The following REXO5 variants were observed in gnomAD, a reference collection of about 807,000 sequenced individuals.
The protein encoded by REXO5 is RNA exonuclease 5.
Under a neutral mutation model 88.5 loss-of-function variants are expected in REXO5, and 48 were observed. That is an observed-to-expected ratio of 0.54 (90% CI 0.43 to 0.69). The LOEUF (loss-of-function observed/expected upper bound fraction) is 0.69. Ranked by LOEUF, REXO5 falls within the 30% of genes least tolerant of loss-of-function variation. The pLI is 0.00. For missense variants in REXO5, 749 were observed against 912.2 expected, an observed-to-expected ratio of 0.82 and a Z score of 2.30; for synonymous variants, 311 against 336.5, an observed-to-expected ratio of 0.92 and a Z score of 0.83.
At chr16:20,812,518 C>CT (rs1367080140) in intron 2 of REXO5, among the ~76,000 whole-genome samples, 1 of 152,108 alleles carries the variant, frequency 6.6e-6, no homozygotes. Flanking sequence ...GAGTGAGACT[C>CT]TGTCTCAGAA....
intron 7 of REXO5, among the ~76,000 whole-genome samples, chr16:20,824,858 A>T (rs1027461026): frequency 5.3e-5 from 8 of 151,924 alleles, no homozygotes; most frequent in African/African-American, 1.9e-4. Flanking sequence ...AAATACAAAA[A>T]ATTAGCTGGG....
chr16:20,819,577 GA>G (rs2081137103), intron 5 of REXO5, among the ~76,000 whole-genome samples: 1 of 150,656 alleles, frequency 6.6e-6, no homozygotes, highest in African/African-American at 2.4e-5. Context: ...CCAACATGGA[GA>G]AATCCCATCT....
At chr16:20,808,612 ATT>A (rs751042762) in intron 2 of REXO5, among the ~76,000 whole-genome samples, 1,195 of 108,362 alleles carry the variant, frequency 0.011, 11 homozygotes, top group African/African-American at 0.033. Flanking sequence ...TAGGGATGTG[ATT>A]TTTTTTTTTT....
At chr16:20,821,414 G>A (rs917871408) in intron 5 of REXO5, among the ~76,000 whole-genome samples, 2 of 152,038 alleles carry the variant, frequency 1.3e-5, no homozygotes, top group Admixed American at 6.5e-5. Context: ...AGCCTCCCAA[G>A]TAGCTGGGAC....
intron 19 of REXO5, among the ~76,000 whole-genome samples, chr16:20,847,599 G>C (rs1199298040): frequency 6.6e-6 from 1 of 152,140 alleles, no homozygotes; most frequent in Non-Finnish European, 1.5e-5. Flanking sequence ...GGGCACCTTT[G>C]AAAGAACCGC....
At chr16:20,814,795 G>A (rs952542311) in intron 3 of REXO5, 132 bp from the exon 4 acceptor site, 2 of 821,524 alleles carry the variant, frequency 2.4e-6, no homozygotes, top group Admixed American at 3.2e-5. Flanking sequence ...CCAGGCAGAC[G>A]GTGAATGGTG....
chr16:20,847,285 A>C (rs948292626), intron 19 of REXO5, among the ~76,000 whole-genome samples: 3 of 135,298 alleles, frequency 2.2e-5, no homozygotes, highest in East Asian at 2.1e-4. Flanking sequence ...AAAAAAAAAA[A>C]CCCAGCCAGG....
rs920417988 is a variant in REXO5, at chr16:20,827,563, C to A, written c.1055+116C>A. On this transcript the variant is annotated intron_variant, in intron 10 of 19. Coordinates refer to ENST00000261377, the MANE Select transcript of REXO5 (RefSeq NM_030941.3). ...GGGTTTCTGCTCTCTTTGCTTTAAACATGTTTTTTTGCATTTCTTATGAAA... is the reference window on the plus strand; with the variant it reads ...GGGTTTCTGCTCTCTTTGCTTTAAAAATGTTTTTTTGCATTTCTTATGAAA... 69 of 744,398 alleles carry A rather than the reference C, an allele frequency of 9.3e-5. No homozygotes were observed. In the African/African-American group the frequency reaches 1.0e-3, roughly 11 times the overall value. The allele number at this position is 744,398 out of a possible 1,614,324, so 46.1% of individuals were successfully genotyped here.
At chr16:20,823,646 G>A (rs570585299) in intron 6 of REXO5, 34 of 152,200 alleles carry the variant, frequency 2.2e-4, no homozygotes, top group African/African-American at 6.3e-4. Flanking sequence ...TCACAGTACC[G>A]GGAATCAGAA....
intron 15 of REXO5, among the ~76,000 whole-genome samples, chr16:20,842,055 A>C (rs2081536488): frequency 6.6e-6 from 1 of 152,172 alleles, no homozygotes; most frequent in African/African-American, 2.4e-5. Context: ...CGGGTAAAAT[A>C]CATATAAAAT....
At chr16:20,826,470 G>A (rs1004798837) in intron 8 of REXO5, among the ~76,000 whole-genome samples, 18 of 152,180 alleles carry the variant, frequency 1.2e-4, no homozygotes, top group Admixed American at 4.6e-4. Flanking sequence ...GTTCCCATCC[G>A]TTGACGTGGC....
intron 16 of REXO5, 55 bp from the exon 17 acceptor site, chr16:20,844,574 T>C (rs1240618876): frequency 8.0e-6 from 12 of 1,507,190 alleles, no homozygotes; most frequent in African/African-American, 1.4e-5. Context: ...TAGTATCCAA[T>C]AGGCCTGAGG....
chr16:20,828,391 A>G, intron 10 of REXO5, 44 bp from the exon 11 acceptor site: 4 of 1,208,322 alleles, frequency 3.3e-6, no homozygotes, highest in Non-Finnish European at 4.9e-6. Flanking sequence ...AAAGCCTATC[A>G]TTAAAAGTGC....
Position 20,848,777 on chromosome 16 carries a change from A to G in REXO5, c.2244-622A>G, listed in dbSNP as rs149632578. Among the ~76,000 whole-genome samples the G allele has an allele frequency of 1.3e-3, 204 of 152,378 alleles. 1 individual carries two copies. Among genetic ancestry groups the G allele is most frequent in the African/African-American group, 4.7e-3 (196 of 41,596 alleles). On this transcript the variant is annotated intron_variant, in intron 19 of 19. Coordinates refer to ENST00000261377, the MANE Select transcript of REXO5 (RefSeq NM_030941.3). ...CACCACACCAGGTTTTTTACAACAA[A>G]CATTGTTAAATAAGTTAATGTTTTG...
chr16:20,809,955 G>A (rs907173424), intron 2 of REXO5, among the ~76,000 whole-genome samples: 1 of 152,164 alleles, frequency 6.6e-6, no homozygotes, highest in East Asian at 1.9e-4. Flanking sequence ...TTTGTTCAGT[G>A]TGTTACTATC....
intron 8 of REXO5, 134 bp from the exon 9 acceptor site, chr16:20,826,924 C>A: frequency 1.2e-6 from 1 of 832,022 alleles, no homozygotes; most frequent in Admixed American, 3.1e-5. Context: ...ATTTTTAATT[C>A]TTATTTGTCA....
At chr16:20,833,331 AG>A (rs2081375282) in intron 13 of REXO5, among the ~76,000 whole-genome samples, 1 of 152,208 alleles carries the variant, frequency 6.6e-6, no homozygotes, top group Admixed American at 6.5e-5. Flanking sequence ...AGAGCCCAGC[AG>A]GCCTCTGGCT....
chr16:20,833,124 G>A lies in REXO5; in HGVS notation c.1383+1G>A. 6.2e-7 allele frequency: 1 copy of A among 1,612,742 alleles called. No individual in the cohort carries two copies. The highest frequency in any genetic ancestry group is 1.3e-5 in the African/African-American group (1 of 75,028). On this transcript the variant is annotated splice_donor_variant, in intron 13 of 19. Coordinates refer to ENST00000261377, the MANE Select transcript of REXO5 (RefSeq NM_030941.3). LOFTEE classifies it high-confidence loss of function. Reference sequence around the variant, plus strand: ...TATTAAGTGTCTTTCAAATAAAGAGGTGAGTGGCCTGCTGAACCTTTGCAG... The same window carrying A: ...TATTAAGTGTCTTTCAAATAAAGAGATGAGTGGCCTGCTGAACCTTTGCAG...
At position 20,827,373 on chromosome 16, in the gene REXO5, T is replaced by G; in HGVS notation, c.981T>G (p.Ile327Met). Residue 327 changes from isoleucine to methionine, a missense_variant, in exon 10 of 20, where the codon ATT becomes ATG. Coordinates refer to ENST00000261377, the MANE Select transcript of REXO5 (RefSeq NM_030941.3). ...RALKMIHPYVIDTSLLYVREQ... is the reference protein window; with the variant it reads ...RALKMIHPYVMDTSLLYVREQ... ...CTCAGATGATACATCCATATGTTAT[T>G]GATACATCGTTGCTTTATGTCAGAG... 1 of 1,613,226 alleles carries G rather than the reference T, an allele frequency of 6.2e-7. No homozygotes were observed. The highest frequency in any genetic ancestry group is 8.5e-7 in the Non-Finnish European group (1 of 1,179,442).
Sources: allele counts gnomAD v4.1 joint callset (sites outside exome capture counted in the v4.1 genomes callset), GRCh38; gene constraint gnomAD v4.1.1; transcripts MANE v1.5; gene names NCBI Gene and HGNC (gene_info 2026-07-23, HGNC 2026-07-21).